NCOR1: variants seen among roughly 807,000 people sequenced by gnomAD.
The protein encoded by NCOR1 is protein phosphatase 1, regulatory subunit 109.
NCOR1 carries 63 observed loss-of-function variants against 288.1 expected under a neutral mutation model. The ratio of observed to expected loss-of-function variants is 0.22; its 90% CI spans 0.18 to 0.27. NCOR1 has a LOEUF of 0.27. Ranked by LOEUF, NCOR1 falls within the 10% of genes least tolerant of loss-of-function variation. NCOR1 has a pLI of 1.00. For synonymous variants in NCOR1, 1,007 were observed against 1,065.9 expected (o/e 0.94, Z 1.08); for missense variants, 2,397 against 3,019.2 (o/e 0.79, Z 4.83).
At chr17:16,135,245 C>T (rs1366437316) in intron 14 of NCOR1, among the ~76,000 whole-genome samples, 1 of 149,400 alleles carries the variant, frequency 6.7e-6, no homozygotes, top group Admixed American at 6.7e-5. Context: ...AAGGGTATTA[C>T]AGGACCTTGA....
chr17:16,200,948 A>G (rs1246400540), intron 1 of NCOR1, among the ~76,000 whole-genome samples: 2 of 152,210 alleles, frequency 1.3e-5, no homozygotes, highest in Non-Finnish European at 2.9e-5. Context: ...CAGGAGAGGA[A>G]AGACTAGAAA....
At chr17:16,123,862 TC>T (rs1457553097) in intron 15 of NCOR1, among the ~76,000 whole-genome samples, 3 of 152,196 alleles carry the variant, frequency 2.0e-5, no homozygotes, top group African/African-American at 7.2e-5. Context: ...TACCTACTTT[TC>T]CCCTACTAAA....
At chr17:16,207,305 A>T (rs2153604930) in intron 1 of NCOR1, among the ~76,000 whole-genome samples, 1 of 152,368 alleles carries the variant, frequency 6.6e-6, no homozygotes, top group East Asian at 1.9e-4. Context: ...GCCTAAAACA[A>T]ATTACTCTGA....
chr17:16,176,262 TG>T (rs1304280533), intron 3 of NCOR1, among the ~76,000 whole-genome samples: 1 of 152,066 alleles, frequency 6.6e-6, no homozygotes, highest in Non-Finnish European at 1.5e-5. Flanking sequence ...TCAGGTTTTT[TG>T]TTTTGTTTTG....
chr17:16,169,771 T>G (rs981830803), intron 4 of NCOR1, among the ~76,000 whole-genome samples: 68 of 152,186 alleles, frequency 4.5e-4, no homozygotes, highest in Non-Finnish European at 7.2e-4. Flanking sequence ...AAAACAAAAT[T>G]CTATAGTTAC....
At chr17:16,147,326 T>C (rs2078145636) in intron 9 of NCOR1, among the ~76,000 whole-genome samples, 3 of 152,028 alleles carry the variant, frequency 2.0e-5, no homozygotes, top group African/African-American at 7.2e-5. Flanking sequence ...GGAGAATCGC[T>C]TGAACCCAGG....
At chr17:16,119,388 CAA>C in intron 17 of NCOR1, 33 bp downstream of exon 17, 1 of 1,524,548 alleles carries the variant, frequency 6.6e-7, no homozygotes, top group African/African-American at 1.4e-5. Flanking sequence ...AAAAACAAAA[CAA>C]AAACCTGAGA....
intron 37 of NCOR1, among the ~76,000 whole-genome samples, 169 bp downstream of exon 37, chr17:16,061,232 G>C (rs2060514174): frequency 6.6e-6 from 1 of 152,128 alleles, no homozygotes; most frequent in Non-Finnish European, 1.5e-5. Flanking sequence ...TTATATGTAG[G>C]AAACTGGGAT....
In NCOR1 at chr17:16,141,126, C is replaced by T. The variant is rs75011386; in HGVS notation, c.1174-1940G>A. ...ATGTATTCCAAAAGAAGTACATCTC[C>T]GGGAATCTGGGCACAGTGAAGCTGG... On this transcript the variant is annotated intron_variant, in intron 11 of 45. Coordinates refer to ENST00000268712, the MANE Select transcript of NCOR1 (RefSeq NM_006311.4). Among the ~76,000 whole-genome samples the T allele has an allele frequency of 7.6e-3, 1,150 of 152,112 alleles. 19 individuals are homozygous for T. The highest frequency in any genetic ancestry group is 0.05 in the East Asian group (258 of 5,190).
rs2152862896 is a variant in NCOR1 at position 16,086,346 on chromosome 17, G to A, written c.3113C>T (p.Pro1038Leu). ...RPTRPPPPLIPSSKTTVASEK... is the reference protein window; with the variant it reads ...RPTRPPPPLILSSKTTVASEK... ...TGAAGCCACTGTGGTTTTGGATGAC[G>A]GGATGAGAGGGGGCGGTGGCCTGGT... is the stretch of plus-strand genomic sequence containing the variant. Residue 1038 changes from proline (P) to leucine (L), a missense_variant, in exon 23 of 46, where the codon CCG becomes CTG. Pro to Leu is a moderately conservative substitution (Grantham distance 98). Coordinates refer to ENST00000268712, the MANE Select transcript of NCOR1 (RefSeq NM_006311.4). The A allele has an allele frequency of 1.9e-6, 3 of 1,614,122 alleles. No individual in the cohort carries two copies. The highest frequency in any genetic ancestry group is 1.7e-6 in the Non-Finnish European group (2 of 1,179,980).
intron 1 of NCOR1, among the ~76,000 whole-genome samples, chr17:16,203,342 G>T (rs1351422170): frequency 6.6e-6 from 1 of 152,126 alleles, no homozygotes; most frequent in Non-Finnish European, 1.5e-5. Flanking sequence ...CTAGGCCCCA[G>T]CAACATGAGT....
rs377180793 is a variant in NCOR1, at chr17:16,057,509, C to G, written c.6392+5G>C. ...TTTATATATAATTTGGAATAAAGAT[C>G]ATACCTTCCCCTGGATTTGTCCACA... On this transcript the variant is annotated splice_donor_5th_base_variant and intron_variant, in intron 40 of 45. Transcript: ENST00000268712. 1.1e-5 allele frequency: 17 copies of G among 1,611,388 alleles called. No individual in the cohort carries two copies. The highest frequency in any genetic ancestry group is 1.4e-5 in the Non-Finnish European group (16 of 1,177,680).
Position 16,031,615 on chromosome 17 carries a change from TA to T in NCOR1, c.*680del. On this transcript the variant is annotated 3_prime_UTR_variant, in exon 46 of 46. Coordinates refer to ENST00000268712, the MANE Select transcript of NCOR1 (RefSeq NM_006311.4). The stretch of plus-strand genomic sequence containing the variant: ...AGTGCTACTAATGAAAAAAAAAAAT[TA>T]AAGCCTGCACTGGAAATTTACAATA... 1.3e-5 allele frequency: 3 copies of T among 224,526 alleles called. No homozygotes were observed. Among genetic ancestry groups the T allele is most frequent in the Non-Finnish European group, 2.7e-5 (3 of 112,714 alleles). 13.9% of individuals were successfully genotyped at this position (224,526 alleles called of 1,614,324 possible).
rs747800072 is a variant in NCOR1, at chr17:16,101,404, A to G, written c.2536T>C (p.Leu846=). 1.2e-6 allele frequency: 2 copies of G among 1,614,232 alleles called. No homozygotes were observed. The highest frequency in any genetic ancestry group is 1.1e-5 in the South Asian group (1 of 91,084). Reference sequence around the variant, plus strand: ...TCCACCTTCTCACTGGCTCTATCCAAGTCTCTTTCTTTGGTATTATCACCT... The same window carrying G: ...TCCACCTTCTCACTGGCTCTATCCAGGTCTCTTTCTTTGGTATTATCACCT... ...VEGDNTKERD[L]DRASEKVEPR... Residue 846 remains leucine, a synonymous_variant, in exon 20 of 46, where the codon TTG becomes CTG. Coordinates refer to ENST00000268712, the MANE Select transcript of NCOR1 (RefSeq NM_006311.4).
chr17:16,164,776 T>G, intron 5 of NCOR1: 1 of 381,562 alleles, frequency 2.6e-6, no homozygotes, highest in African/African-American at 2.1e-5. Flanking sequence ...CAAATTTCAC[T>G]CTCTACAATC....
intron 40 of NCOR1, among the ~76,000 whole-genome samples, chr17:16,054,704 T>C (rs1597930006): frequency 6.6e-6 from 1 of 151,748 alleles, no homozygotes; most frequent in African/African-American, 2.4e-5. Context: ...CTGAGGTGGG[T>C]AGATCAGCTG....
chr17:16,134,860 T>A (rs1169515101), intron 14 of NCOR1, among the ~76,000 whole-genome samples: 1 of 152,150 alleles, frequency 6.6e-6, no homozygotes, highest in Non-Finnish European at 1.5e-5. Context: ...AACAAAACTG[T>A]TAGAAATTTG....
chr17:16,158,277 A>G (rs1015246767), intron 6 of NCOR1, among the ~76,000 whole-genome samples: 1 of 152,148 alleles, frequency 6.6e-6, no homozygotes, highest in Non-Finnish European at 1.5e-5. Flanking sequence ...CCCCGCCTTG[A>G]ACTTTTTAAC....
Position 16,079,954 on chromosome 17 carries a change from C to G in NCOR1, c.3501+10G>C, listed in dbSNP as rs759112276. 1.2e-6 allele frequency: 2 copies of G among 1,603,680 alleles called. No individual in the cohort carries two copies. The highest frequency in any genetic ancestry group is 1.7e-6 in the Non-Finnish European group (2 of 1,170,978). On this transcript the variant is annotated intron_variant, in intron 26 of 45. Transcript: ENST00000268712. The stretch of plus-strand genomic sequence containing the variant: ...TTCTGTTGAGTATATCAGAGATGAT[C>G]GTGACTAACCTGAGTGATAGAGCCC...
Sources: gnomAD v4.1 joint callset for allele counts (sites outside exome capture counted in the v4.1 genomes callset) on GRCh38, gnomAD v4.1.1 for gene constraint, MANE v1.5 for transcripts, NCBI Gene and HGNC (gene_info 2026-07-23, HGNC 2026-07-21) for gene names.